The following ARID2 variants were observed in gnomAD, a reference collection of about 807,000 sequenced individuals.
ARID2 encodes the protein AT-rich interaction domain 2, also known as AT-rich interactive domain-containing protein 2.
ARID2 carries 32 observed loss-of-function variants against 184.6 expected under a neutral mutation model. That is an observed-to-expected ratio of 0.17 (90% CI 0.13 to 0.23). The LOEUF (loss-of-function observed/expected upper bound fraction) is 0.23, where lower values mean the gene tolerates loss of function less well. Among genes scored for constraint, ARID2 ranks in the 10% least tolerant of loss-of-function variants. The pLI, the probability that ARID2 is intolerant of heterozygous loss-of-function variation, is 1.00. For synonymous variants in ARID2, 836 were observed against 772.6 expected (o/e 1.08, Z -1.36); for missense variants, 1,696 against 2,197.6 (o/e 0.77, Z 4.56).
intron 4 of ARID2, among the ~76,000 whole-genome samples, chr12:45,815,599 T>TTGTGTG (rs376716014): frequency 9.3e-5 from 14 of 149,836 alleles, no homozygotes; most frequent in African/African-American, 2.7e-4. Context: ...CTTAAAGAGA[T>TTGTGTG]TGTGTGTGTG....
At chr12:45,797,376 A>C (rs1302624464) in intron 3 of ARID2, among the ~76,000 whole-genome samples, 1 of 152,154 alleles carries the variant, frequency 6.6e-6, no homozygotes, top group African/African-American at 2.4e-5. Flanking sequence ...CTGAGATTAC[A>C]GGTGTGCACC....
intron 16 of ARID2, among the ~76,000 whole-genome samples, chr12:45,888,855 C>G (rs1405445412): frequency 1.3e-5 from 2 of 152,114 alleles, no homozygotes; most frequent in African/African-American, 4.8e-5. Context: ...TTTTTCAGCA[C>G]AAGGCAATAA....
chr12:45,822,167 T>A (rs1478817410), intron 6 of ARID2, among the ~76,000 whole-genome samples: 1 of 152,190 alleles, frequency 6.6e-6, no homozygotes, highest in African/African-American at 2.4e-5. Flanking sequence ...TGCTGCAACT[T>A]CAGCTAAAAT....
Position 45,906,335 on chromosome 12 carries a change from T to C in ARID2, c.*1257T>C, listed in dbSNP as rs1178341628. 5 of 233,144 alleles carry C rather than the reference T, an allele frequency of 2.1e-5. No individual in the cohort carries two copies. The highest frequency in any genetic ancestry group is 3.4e-5 in the Non-Finnish European group (4 of 117,808). 14.4% of individuals were successfully genotyped at this position (233,144 alleles called of 1,614,324 possible). ...CTGCTCACTTCCTTAAATTGTCTTT[T>C]TTCCCCCAGCGTGAAATGTATCCAT... is the stretch of plus-strand genomic sequence containing the variant. On this transcript the variant is annotated 3_prime_UTR_variant, in exon 21 of 21. Coordinates refer to ENST00000334344, the MANE Select transcript of ARID2 (RefSeq NM_152641.4).
intron 3 of ARID2, among the ~76,000 whole-genome samples, chr12:45,801,109 G>C (rs977059338): frequency 6.6e-6 from 1 of 152,054 alleles, no homozygotes; most frequent in Non-Finnish European, 1.5e-5. Flanking sequence ...TCAGGAGATC[G>C]AGACCATCCT....
At chr12:45,777,141 A>C (rs535480448) in intron 3 of ARID2, among the ~76,000 whole-genome samples, 1 of 152,068 alleles carries the variant, frequency 6.6e-6, no homozygotes, top group Non-Finnish European at 1.5e-5. Flanking sequence ...AGGAAACTTT[A>C]AAAATGGAAA....
Position 45,851,615 on chromosome 12 carries a change from C to G in ARID2, c.3492C>G (p.Phe1164Leu), listed in dbSNP as rs373042061. The change falls in exon 15 of 21, where the codon TTC (phenylalanine) becomes TTG (leucine). Residue 1164 changes from phenylalanine (F) to leucine (L), a missense_variant. By Grantham distance (22) the Phe-to-Leu change is conservative. Around this residue, in one of 11 missense-constraint regions of ARID2, gnomAD observed 12 missense variants for 28.6 expected, o/e 0.42. Coordinates refer to ENST00000334344, the MANE Select transcript of ARID2 (RefSeq NM_152641.4). ...TCTCAAATAGCCCAGCAACCATTTT[C>G]CAAGGGACTTCTGGCAACCAGGTAA... ...PLISNSPATI[F>L]QGTSGNQVTI... 1 of 1,614,042 alleles carries G rather than the reference C, an allele frequency of 6.2e-7. No homozygotes were observed. Among genetic ancestry groups the G allele is most frequent in the Non-Finnish European group, 8.5e-7 (1 of 1,180,006 alleles).
intron 20 of ARID2, among the ~76,000 whole-genome samples, chr12:45,903,193 G>T (rs1451637221): frequency 6.6e-6 from 1 of 152,150 alleles, no homozygotes; most frequent in Non-Finnish European, 1.5e-5. Context: ...TCATGTTGTT[G>T]CATGATAGTA....
chr12:45,768,677 G>A (rs1941815565), intron 3 of ARID2, among the ~76,000 whole-genome samples: 1 of 152,092 alleles, frequency 6.6e-6, no homozygotes, highest in South Asian at 2.1e-4. Flanking sequence ...ACTGTAGAAG[G>A]GCTAGTTTGC....
chr12:45,895,768 C>CAA (rs1944361227), intron 20 of ARID2, among the ~76,000 whole-genome samples: 1 of 152,136 alleles, frequency 6.6e-6, no homozygotes, highest in East Asian at 1.9e-4. Flanking sequence ...CTCCTGACCT[C>CAA]GTGATCCACC....
intron 3 of ARID2, among the ~76,000 whole-genome samples, chr12:45,773,397 G>A (rs1039851399): frequency 6.6e-6 from 1 of 151,898 alleles, no homozygotes; most frequent in East Asian, 1.9e-4. Context: ...GAAGGTTCAA[G>A]AAGAAATTAA....
chr12:45,812,440 C>G (rs1942727350), intron 4 of ARID2, among the ~76,000 whole-genome samples: 1 of 151,932 alleles, frequency 6.6e-6, no homozygotes, highest in African/African-American at 2.4e-5. Flanking sequence ...TATTTCTTCC[C>G]TAATCAGTAA....
chr12:45,804,558 G>T (rs965706115), intron 3 of ARID2, among the ~76,000 whole-genome samples: 2 of 151,744 alleles, frequency 1.3e-5, no homozygotes, highest in East Asian at 1.9e-4. Context: ...GTTTATCAGG[G>T]TTTTACTGGA....
intron 4 of ARID2, among the ~76,000 whole-genome samples, chr12:45,814,976 A>G (rs551093481): frequency 1.4e-4 from 22 of 152,326 alleles, no homozygotes; most frequent in Non-Finnish European, 2.9e-4. Flanking sequence ...TAATTAAAGG[A>G]TATTTCATAA....
chr12:45,781,563 C>T (rs970006256), intron 3 of ARID2, among the ~76,000 whole-genome samples: 3 of 151,156 alleles, frequency 2.0e-5, no homozygotes, highest in Non-Finnish European at 2.9e-5. Flanking sequence ...GTTGAGGAAC[C>T]TCCACTTTTC....
chr12:45,843,908 A>C (rs1420600194), intron 11 of ARID2, among the ~76,000 whole-genome samples: 1 of 152,190 alleles, frequency 6.6e-6, no homozygotes, highest in Non-Finnish European at 1.5e-5. Flanking sequence ...TTTTCAATTC[A>C]AGAAAGTATG....
chr12:45,730,227 G>T, intron 2 of ARID2, 90 bp downstream of exon 2: 1 of 1,319,502 alleles, frequency 7.6e-7, no homozygotes, highest in Non-Finnish European at 1.0e-6. Context: ...GGGGCTGGGG[G>T]GGTGGCCCGC....
chr12:45,805,218 A>G (rs1350446020), intron 3 of ARID2, among the ~76,000 whole-genome samples: 2 of 151,824 alleles, frequency 1.3e-5, no homozygotes, highest in East Asian at 1.9e-4. Flanking sequence ...TTATTTCCCT[A>G]TGGTGATTTT....
rs764956493 is a variant in ARID2 at position 45,729,935 on chromosome 12, G to A, written c.92+7G>A. Reference sequence around the variant, plus strand: ...AGTTCCACCACAGCAGAGGGTGAGAGCAGAACCGGGGGGGCAGCGCCGGGG... The same window carrying A: ...AGTTCCACCACAGCAGAGGGTGAGAACAGAACCGGGGGGGCAGCGCCGGGG... On this transcript the variant is annotated splice_region_variant and intron_variant, in intron 1 of 20. Transcript: ENST00000334344. The A allele has an allele frequency of 8.1e-6, 13 of 1,606,544 alleles. No homozygotes were observed. Among genetic ancestry groups the A allele is most frequent in the South Asian group, 1.1e-5 (1 of 90,396 alleles).
Sources: gnomAD v4.1 joint callset for allele counts (sites outside exome capture counted in the v4.1 genomes callset) on GRCh38, gnomAD v4.1.1 for gene constraint, gnomAD v4.1.1 regional missense constraint, MANE v1.5 for transcripts, NCBI Gene and HGNC (gene_info 2026-07-23, HGNC 2026-07-21) for gene names.